TRMT1L: variants seen among roughly 807,000 people sequenced by gnomAD.
TRMT1L encodes tRNA methyltransferase 1L.
Under a neutral mutation model 81.6 loss-of-function variants are expected in TRMT1L, and 28 were observed. That is an observed-to-expected ratio of 0.34 (90% CI 0.25 to 0.47). The LOEUF (loss-of-function observed/expected upper bound fraction) is 0.47, where lower values mean the gene tolerates loss of function less well. Among genes scored for constraint, TRMT1L ranks in the 20% least tolerant of loss-of-function variants. The probability of loss-of-function intolerance (pLI) is 1.00; values close to 1 mark genes in which losing one functional copy is unlikely to be tolerated. For synonymous variants in TRMT1L, 301 were observed against 303.2 expected, an observed-to-expected ratio of 0.99 and a Z score of 0.07; for missense variants, 739 against 877.1, an observed-to-expected ratio of 0.84 and a Z score of 1.99.
chr1:185,131,284 C>T (rs764523527), intron 10 of TRMT1L, among the ~76,000 whole-genome samples: 12 of 152,218 alleles, frequency 7.9e-5, no homozygotes, highest in Non-Finnish European at 1.3e-4. Context: ...CAGCCAAATC[C>T]GTTGGTTTAT....
chr1:185,151,948 A>AT lies in TRMT1L; in HGVS notation c.236-14dup. 1 of 1,508,954 alleles carries AT rather than the reference A, an allele frequency of 6.6e-7. No homozygotes were observed. The highest frequency in any genetic ancestry group is 9.0e-7 in the Non-Finnish European group (1 of 1,107,326). The allele number at this position is 1,508,954 out of a possible 1,614,324, so 93.5% of individuals were successfully genotyped here. ...GAGATGTGTCTCTCTGAAAAAAAAA[A>AT]TTGAGAAGATTATGCTTTAACAGTT... On this transcript the variant is annotated splice_polypyrimidine_tract_variant and intron_variant, in intron 1 of 14. Coordinates refer to ENST00000367506, the MANE Select transcript of TRMT1L (RefSeq NM_030934.5).
intron 7 of TRMT1L, among the ~76,000 whole-genome samples, chr1:185,141,845 T>C (rs145116303): frequency 5.5e-4 from 84 of 152,308 alleles, no homozygotes; most frequent in African/African-American, 1.9e-3. Flanking sequence ...ACTTTTTTGA[T>C]TGATAAATAA....
chr1:185,152,783 A>T (rs1396154625), intron 1 of TRMT1L, among the ~76,000 whole-genome samples: 2 of 152,240 alleles, frequency 1.3e-5, no homozygotes, highest in Admixed American at 1.3e-4. Context: ...CAAACAAGAC[A>T]GAAGAAACTC....
intron 7 of TRMT1L, 77 bp from the exon 8 acceptor site, chr1:185,140,299 GT>G: frequency 8.7e-7 from 1 of 1,144,342 alleles, no homozygotes. Flanking sequence ...ACAACATTCA[GT>G]TTTATAAATA....
chr1:185,127,118 T>C (rs943628752), intron 11 of TRMT1L, among the ~76,000 whole-genome samples: 12 of 152,246 alleles, frequency 7.9e-5, no homozygotes, highest in African/African-American at 2.9e-4. Flanking sequence ...TGTGCCATAG[T>C]TTCCTCATGT....
chr1:185,154,844 C>G (rs1653450270), intron 1 of TRMT1L, among the ~76,000 whole-genome samples: 1 of 152,216 alleles, frequency 6.6e-6, no homozygotes, highest in South Asian at 2.1e-4. Flanking sequence ...TTTTGTAACA[C>G]ACTATTAATC....
chr1:185,147,125 T>C, intron 4 of TRMT1L, 57 bp downstream of exon 4: 1 of 1,270,714 alleles, frequency 7.9e-7, no homozygotes, highest in Non-Finnish European at 1.1e-6. Flanking sequence ...AAGTAAAAAT[T>C]ATGCTTTCTT....
chr1:185,141,793 T>C lies in TRMT1L; in HGVS notation c.859+1564A>G, dbSNP rs954557719. On this transcript the variant is annotated intron_variant, in intron 7 of 14. Coordinates refer to ENST00000367506, the MANE Select transcript of TRMT1L (RefSeq NM_030934.5). ...AGGATCAGATATGGAAGATATTAAA[T>C]GTAGTCTGAGAAGTCTGGACTCCCG... is the stretch of plus-strand genomic sequence containing the variant. Among the ~76,000 whole-genome samples the C allele has an allele frequency of 3.3e-5, 5 of 152,286 alleles. No homozygotes were observed. The South Asian group carries it at 1.0e-3, about 32-fold the overall frequency.
rs772807778 is a variant in TRMT1L at position 185,156,568 on chromosome 1, G to A, written c.145C>T (p.Pro49Ser). Residue 49 changes from proline (P) to serine (S), a missense_variant, in exon 1 of 15, where the codon CCG (proline) becomes TCG (serine). By Grantham distance (74) the Pro-to-Ser change is moderately conservative. Around this residue, in one of 4 missense-constraint regions of TRMT1L, gnomAD observed 209 missense variants for 165.4 expected, o/e 1.26. Transcript: ENST00000367506. ...GGGGCTGGGGCTGGAGCCGAGGCCG[G>A]AGTCGGAGCCGAGTCCAGAGCCGAA... The part of the protein sequence containing the change: ...PDSALDSAPT[P>S]ASAPAPAPAL... The A allele has an allele frequency of 1.3e-6, 2 of 1,599,548 alleles. No homozygotes were observed. Among genetic ancestry groups the A allele is most frequent in the African/African-American group, 1.3e-5 (1 of 74,560 alleles).
chr1:185,128,568 T>A, intron 11 of TRMT1L, 101 bp downstream of exon 11: 1 of 1,121,948 alleles, frequency 8.9e-7, no homozygotes, highest in South Asian at 1.3e-5. Context: ...GACTTAACAA[T>A]TGAATTTAAA....
chr1:185,149,799 ATTCTT>A (rs1219654789), intron 3 of TRMT1L, among the ~76,000 whole-genome samples: 1 of 152,088 alleles, frequency 6.6e-6, no homozygotes, highest in Non-Finnish European at 1.5e-5. Context: ...CTTCGATTTT[ATTCTT>A]TTCATGATGA....
chr1:185,145,298 CA>C (rs1653158824), intron 5 of TRMT1L, 140 bp downstream of exon 5: 8 of 835,144 alleles, frequency 9.6e-6, no homozygotes, highest in Non-Finnish European at 1.2e-5. Flanking sequence ...AGAAAGAAAC[CA>C]AAAGCTGAAG....
chr1:185,138,226 A>C (rs1485184644), intron 9 of TRMT1L, among the ~76,000 whole-genome samples: 1 of 152,196 alleles, frequency 6.6e-6, no homozygotes, highest in Admixed American at 6.5e-5. Flanking sequence ...AAAAAAGAAC[A>C]GTCAAAGTCC....
chr1:185,141,695 C>G (rs186350394), intron 7 of TRMT1L, among the ~76,000 whole-genome samples: 250 of 152,188 alleles, frequency 1.6e-3, no homozygotes, highest in African/African-American at 5.7e-3. Context: ...CAGAGCGAAA[C>G]TCTGTCTCAA....
chr1:185,144,503 G>A (rs563578450), intron 5 of TRMT1L, among the ~76,000 whole-genome samples: 2 of 151,896 alleles, frequency 1.3e-5, no homozygotes, highest in Non-Finnish European at 2.9e-5. Context: ...TCTATTTCCT[G>A]AACATGGGAG....
rs1653119747 is a variant in TRMT1L, at chr1:185,144,006, C to T, written c.679G>A (p.Glu227Lys). ...TCCGTGTCTGCCTCTTTCAAAATTT[C>T]CTTAGGTGGTTTAGCAGTGGAAGCT... ...IAASTAKPPKEILKEADTDVQ... is the reference protein window; with the variant it reads ...IAASTAKPPKKILKEADTDVQ... Residue 227 changes from glutamate to lysine, a missense_variant, in exon 6 of 15, where the codon GAA (glutamate) becomes AAA (lysine). Glu to Lys is a moderately conservative substitution (Grantham distance 56, BLOSUM62 1). This residue lies in a region of TRMT1L where 331 missense variants were observed against 462.2 expected (regional missense o/e 0.72). Coordinates refer to ENST00000367506, the MANE Select transcript of TRMT1L (RefSeq NM_030934.5). 1.2e-6 allele frequency: 2 copies of T among 1,605,690 alleles called. No homozygotes were observed. The highest frequency in any genetic ancestry group is 2.7e-5 in the African/African-American group (2 of 74,656).
intron 10 of TRMT1L, among the ~76,000 whole-genome samples, chr1:185,131,554 A>G (rs1220368677): frequency 6.6e-6 from 1 of 152,080 alleles, no homozygotes; most frequent in African/African-American, 2.4e-5. Context: ...ACAATATGAC[A>G]CTATTAAAAA....
intron 12 of TRMT1L, among the ~76,000 whole-genome samples, chr1:185,124,341 G>GT (rs145314848): frequency 0.11 from 15,476 of 146,668 alleles, 1,006 homozygotes; most frequent in East Asian, 0.26. Flanking sequence ...GACCTTTAGT[G>GT]TTTTTTTTTT....
chr1:185,139,528 T>G lies in TRMT1L; in HGVS notation c.1161A>C (p.Arg387Ser), dbSNP rs758010145. 6.2e-7 allele frequency: 1 copy of G among 1,613,914 alleles called. No individual in the cohort carries two copies. Among genetic ancestry groups the G allele is most frequent in the Admixed American group, 1.7e-5 (1 of 60,022 alleles). The change falls in exon 9 of 15, where the codon AGA becomes AGC. Residue 387 changes from arginine to serine, a missense_variant. Physicochemically the swap from Arg to Ser is moderately radical, Grantham distance 110 (BLOSUM62 -1). Around this residue, in one of 4 missense-constraint regions of TRMT1L, gnomAD observed 331 missense variants for 462.2 expected, o/e 0.72. Transcript: ENST00000367506. ...ACACTATGCCAAGGTTTCTTATATT[T>G]CTGAATGCAGAATCTAGATAATTCA... ...TSVNYLDSAFRNIRNLGIVSV... is the reference protein window; with the variant it reads ...TSVNYLDSAFSNIRNLGIVSV...
Sources: gnomAD v4.1 joint callset for allele counts (sites outside exome capture counted in the v4.1 genomes callset) on GRCh38, gnomAD v4.1.1 for gene constraint, gnomAD v4.1.1 regional missense constraint, MANE v1.5 for transcripts, NCBI Gene and HGNC (gene_info 2026-07-23, HGNC 2026-07-21) for gene names.